The following DOCK3 variants were observed in gnomAD, a reference collection of about 807,000 sequenced individuals.
DOCK3 encodes dedicator of cytokinesis protein 3.
Under a neutral mutation model 265.6 loss-of-function variants are expected in DOCK3, and 60 were observed. The observed-to-expected ratio is 0.23, with a 90% CI of 0.18 to 0.28. DOCK3 has a LOEUF of 0.28. Among genes scored for constraint, DOCK3 ranks in the 10% least tolerant of loss-of-function variants. The probability of loss-of-function intolerance (pLI) is 1.00; values close to 1 mark genes in which losing one functional copy is unlikely to be tolerated. For missense variants in DOCK3, 1,981 were observed against 2,594.3 expected (o/e 0.76, Z 5.14); for synonymous variants, 881 against 938.0 (o/e 0.94, Z 1.11).
chr3:51,039,059 G>C (rs978540843), intron 5 of DOCK3, among the ~76,000 whole-genome samples: 1 of 151,818 alleles, frequency 6.6e-6, no homozygotes, highest in Non-Finnish European at 1.5e-5. Context: ...GCAGTGGCAC[G>C]ATCTCGGCTC....
intron 5 of DOCK3, among the ~76,000 whole-genome samples, chr3:50,951,198 C>T (rs1305179593): frequency 1.3e-5 from 2 of 152,156 alleles, no homozygotes; most frequent in Non-Finnish European, 2.9e-5. Context: ...ATTGGTGAGT[C>T]TCACACCTAG....
At chr3:50,729,307 G>A (rs1267854933) in intron 1 of DOCK3, among the ~76,000 whole-genome samples, 1 of 146,134 alleles carries the variant, frequency 6.8e-6, no homozygotes, top group East Asian at 2.0e-4. Flanking sequence ...AGGCAAAATA[G>A]CAAGGACCTG....
rs1049119141 is a variant in DOCK3 at position 51,148,483 on chromosome 3, A to T, written c.828+1853A>T. 3.3e-5 allele frequency among the ~76,000 whole-genome samples: 5 copies of T among 152,186 alleles called. No individual in the cohort carries two copies. In the East Asian group the frequency reaches 7.7e-4, roughly 23 times the overall value. On this transcript the variant is annotated intron_variant, in intron 10 of 52. Transcript: ENST00000266037. ...GGATTTTTATGGTTTTAGGTCCAAC[A>T]TTTAAGTCCTTAATCCATCTTGAAT...
intron 2 of DOCK3, among the ~76,000 whole-genome samples, chr3:50,811,921 G>A (rs2106772211): frequency 6.6e-6 from 1 of 152,310 alleles, no homozygotes; most frequent in Middle Eastern, 3.4e-3. Flanking sequence ...CAAAGGGATA[G>A]CAAATGCAGA....
intron 5 of DOCK3, among the ~76,000 whole-genome samples, chr3:50,934,709 T>C (rs774823445): frequency 1.3e-5 from 2 of 151,792 alleles, no homozygotes; most frequent in Non-Finnish European, 2.9e-5. Context: ...CCTAGCTACT[T>C]GGGAGGCTAA....
chr3:50,900,539 TGGA>T (rs1370043270), intron 4 of DOCK3, among the ~76,000 whole-genome samples: 2 of 152,222 alleles, frequency 1.3e-5, no homozygotes, highest in Non-Finnish European at 1.5e-5. Flanking sequence ...TGTGATCCTT[TGGA>T]GGAGAAGAGG....
intron 5 of DOCK3, among the ~76,000 whole-genome samples, chr3:50,986,971 C>T (rs1447660288): frequency 1.3e-5 from 2 of 152,206 alleles, no homozygotes; most frequent in Admixed American, 6.5e-5. Flanking sequence ...TAACTCTGTC[C>T]GTTCTCCAGG....
At chr3:51,368,822 A>C (rs2087454085) in intron 49 of DOCK3, among the ~76,000 whole-genome samples, 1 of 152,202 alleles carries the variant, frequency 6.6e-6, no homozygotes, top group Admixed American at 6.5e-5. Context: ...GGCGACTGAC[A>C]CCTCATATGG....
chr3:51,154,652 GA>G (rs1401722845), intron 10 of DOCK3, among the ~76,000 whole-genome samples: 2 of 152,138 alleles, frequency 1.3e-5, no homozygotes, highest in Non-Finnish European at 1.5e-5. Flanking sequence ...AGAAATTGTT[GA>G]TTCCTTGTTT....
intron 10 of DOCK3, among the ~76,000 whole-genome samples, chr3:51,147,418 T>G (rs1254205629): frequency 2.6e-5 from 4 of 152,222 alleles, no homozygotes; most frequent in African/African-American, 9.7e-5. Flanking sequence ...GGTATACATG[T>G]GCCATGTTGG....
intron 1 of DOCK3, among the ~76,000 whole-genome samples, chr3:50,769,136 C>CA (rs1289961639): frequency 6.6e-6 from 1 of 151,338 alleles, no homozygotes; most frequent in Non-Finnish European, 1.5e-5. Context: ...CATCCCTTGT[C>CA]AGATGCATAG....
chr3:51,064,769 A>G (rs888394704), intron 6 of DOCK3, among the ~76,000 whole-genome samples, 173 bp downstream of exon 6: 1 of 152,178 alleles, frequency 6.6e-6, no homozygotes, highest in African/African-American at 2.4e-5. Context: ...TTAGCGAAGG[A>G]TACTCACTGG....
intron 27 of DOCK3, among the ~76,000 whole-genome samples, chr3:51,287,215 T>G (rs1350157708): frequency 6.6e-6 from 1 of 152,104 alleles, no homozygotes; most frequent in African/African-American, 2.4e-5. Flanking sequence ...ATGTTCAACA[T>G]CACTAATCAC....
At chr3:51,311,753 G>C (rs529498972) in intron 28 of DOCK3, among the ~76,000 whole-genome samples, 1 of 152,294 alleles carries the variant, frequency 6.6e-6, no homozygotes, top group African/African-American at 2.4e-5. Flanking sequence ...GGTAATGACA[G>C]AACTAGGTCT....
At chr3:50,691,271 G>A (rs551049847) in intron 1 of DOCK3, among the ~76,000 whole-genome samples, 1 of 147,514 alleles carries the variant, frequency 6.8e-6, no homozygotes, top group African/African-American at 2.5e-5. Context: ...GTGACAGAGC[G>A]AGACTCTGTC....
At chr3:51,051,853 A>G (rs1401878473) in intron 5 of DOCK3, among the ~76,000 whole-genome samples, 1 of 152,124 alleles carries the variant, frequency 6.6e-6, no homozygotes, top group Non-Finnish European at 1.5e-5. Context: ...TCACATGGCA[A>G]GAGTGGGAGC....
intron 21 of DOCK3, among the ~76,000 whole-genome samples, chr3:51,237,916 C>A (rs1045836445): frequency 6.6e-6 from 1 of 151,832 alleles, no homozygotes; most frequent in Non-Finnish European, 1.5e-5. Context: ...TATCCCCTGG[C>A]ACCCACCATT....
intron 7 of DOCK3, among the ~76,000 whole-genome samples, chr3:51,087,905 C>G (rs796094613): frequency 7.2e-5 from 11 of 152,092 alleles, no homozygotes; most frequent in African/African-American, 2.6e-4. Context: ...GGATATTTAT[C>G]AAAAAGAAAG....
At chr3:51,311,606 A>G (rs1560412332) in intron 28 of DOCK3, among the ~76,000 whole-genome samples, 2 of 152,252 alleles carry the variant, frequency 1.3e-5, no homozygotes, top group Non-Finnish European at 1.5e-5. Context: ...CAAAGTGATC[A>G]TAATATCTCT....
Sources: allele counts gnomAD v4.1 joint callset (sites outside exome capture counted in the v4.1 genomes callset), GRCh38; gene constraint gnomAD v4.1.1; transcripts MANE v1.5; gene names NCBI Gene and HGNC (gene_info 2026-07-23, HGNC 2026-07-21).